Variants in PLBD1 observed in about 807,000 individuals in gnomAD.
PLBD1 encodes the protein phospholipase B domain containing 1, also known as lysosomal leucine aminopeptidase.
Under a neutral mutation model 63.0 loss-of-function variants are expected in PLBD1, and 60 were observed. The observed-to-expected ratio is 0.95, with a 90% CI of 0.77 to 1.18. The LOEUF is 1.18. Ranked by LOEUF, PLBD1 falls within the 50% of genes most tolerant of loss-of-function variation. The pLI is 0.00. For synonymous variants in PLBD1, 262 were observed against 248.0 expected (o/e 1.06, Z -0.53); for missense variants, 598 against 677.9 (o/e 0.88, Z 1.31).
At chr12:14,542,605 G>A (rs534893228) in intron 2 of PLBD1, among the ~76,000 whole-genome samples, 1 of 152,292 alleles carries the variant, frequency 6.6e-6, no homozygotes, top group South Asian at 2.1e-4. Flanking sequence ...TGCACTTCCT[G>A]ATGCTAATTG....
At chr12:14,553,546 T>C in intron 1 of PLBD1, 134 bp from the exon 2 acceptor site, 2 of 763,266 alleles carry the variant, frequency 2.6e-6, no homozygotes, top group Non-Finnish European at 4.2e-6. Flanking sequence ...AATCTGCCGT[T>C]ACAGTTTGCC....
At chr12:14,527,421 C>T (rs1945425049) in intron 6 of PLBD1, among the ~76,000 whole-genome samples, 1 of 152,252 alleles carries the variant, frequency 6.6e-6, no homozygotes, top group Admixed American at 6.5e-5. Context: ...GCTCCCAAAA[C>T]GTTTGTTACC....
At chr12:14,544,256 C>T (rs1045007023) in intron 2 of PLBD1, among the ~76,000 whole-genome samples, 3 of 152,192 alleles carry the variant, frequency 2.0e-5, no homozygotes, top group Admixed American at 6.5e-5. Flanking sequence ...TCACTGCAAC[C>T]GCCGCCTCCC....
At chr12:14,510,346 A>T (rs1945287504) in intron 8 of PLBD1, among the ~76,000 whole-genome samples, 1 of 151,882 alleles carries the variant, frequency 6.6e-6, no homozygotes, top group Non-Finnish European at 1.5e-5. Flanking sequence ...GGGAGCCGAG[A>T]TCGCACCACC....
At chr12:14,522,661 C>A (rs566915843) in intron 6 of PLBD1, among the ~76,000 whole-genome samples, 3 of 152,198 alleles carry the variant, frequency 2.0e-5, no homozygotes, top group African/African-American at 7.2e-5. Flanking sequence ...AAATCACTCA[C>A]CATAATAAAT....
intron 2 of PLBD1, among the ~76,000 whole-genome samples, chr12:14,549,334 G>A (rs1592007653): frequency 6.6e-6 from 1 of 152,210 alleles, no homozygotes; most frequent in South Asian, 2.1e-4. Flanking sequence ...CAGTGGGAAT[G>A]AAATCTTAAA....
intron 8 of PLBD1, among the ~76,000 whole-genome samples, chr12:14,508,971 T>C (rs1051848205): frequency 6.6e-6 from 1 of 152,058 alleles, no homozygotes; most frequent in African/African-American, 2.4e-5. Context: ...GTTGCTTAAA[T>C]ACGTTAGGAG....
chr12:14,543,981 C>G (rs1300106792), intron 2 of PLBD1, among the ~76,000 whole-genome samples: 1 of 143,760 alleles, frequency 7.0e-6, no homozygotes, highest in African/African-American at 2.5e-5. Flanking sequence ...TATTTCTCCT[C>G]AATACTTTTA....
intron 6 of PLBD1, among the ~76,000 whole-genome samples, chr12:14,527,706 T>A (rs1169788527): frequency 6.6e-6 from 1 of 152,112 alleles, no homozygotes; most frequent in Non-Finnish European, 1.5e-5. Context: ...AACCTTCCTT[T>A]ATTGGCCCTT....
chr12:14,510,990 C>A (rs1945293183), intron 8 of PLBD1, among the ~76,000 whole-genome samples: 1 of 152,186 alleles, frequency 6.6e-6, no homozygotes, highest in African/African-American at 2.4e-5. Context: ...ACCAGGAACA[C>A]AGGAGAAAAG....
chr12:14,527,079 T>A (rs1945422253), intron 6 of PLBD1, among the ~76,000 whole-genome samples: 1 of 152,196 alleles, frequency 6.6e-6, no homozygotes, highest in Non-Finnish European at 1.5e-5. Context: ...ATATATATAT[T>A]TTGTTAAAAT....
At chr12:14,534,172 T>C (rs1007186760) in intron 6 of PLBD1, among the ~76,000 whole-genome samples, 1 of 152,042 alleles carries the variant, frequency 6.6e-6, no homozygotes, top group Non-Finnish European at 1.5e-5. Context: ...GAATTTCTGA[T>C]AGGAAGAGCA....
intron 8 of PLBD1, among the ~76,000 whole-genome samples, chr12:14,507,472 A>G: frequency 6.6e-6 from 1 of 152,182 alleles, no homozygotes; most frequent in East Asian, 1.9e-4. Flanking sequence ...ATCTAAGTGG[A>G]TTTAGTTACT....
At chr12:14,519,368 C>T (rs920953585) in intron 6 of PLBD1, among the ~76,000 whole-genome samples, 1 of 152,068 alleles carries the variant, frequency 6.6e-6, no homozygotes, top group African/African-American at 2.4e-5. Context: ...TGCCTGTAAT[C>T]CCAGCACTTT....
chr12:14,527,838 G>C (rs1283086139), intron 6 of PLBD1, among the ~76,000 whole-genome samples: 1 of 148,374 alleles, frequency 6.7e-6, no homozygotes, highest in Admixed American at 6.7e-5. Flanking sequence ...AAAGTAAACA[G>C]ACAGGAAAAG....
At chr12:14,522,446 T>C (rs1422579388) in intron 6 of PLBD1, among the ~76,000 whole-genome samples, 1 of 152,114 alleles carries the variant, frequency 6.6e-6, no homozygotes, top group East Asian at 1.9e-4. Context: ...GAAAAACTAA[T>C]ACAAATCCTT....
chr12:14,541,005 T>C (rs1945567116), intron 3 of PLBD1, 103 bp from the exon 4 acceptor site: 1 of 1,236,236 alleles, frequency 8.1e-7, no homozygotes, highest in Non-Finnish European at 1.1e-6. Flanking sequence ...CTTATGCTAA[T>C]GTGATTTAAA....
intron 2 of PLBD1, among the ~76,000 whole-genome samples, chr12:14,544,667 C>T (rs12578716): frequency 1.3e-5 from 2 of 151,862 alleles, no homozygotes; most frequent in Middle Eastern, 3.2e-3. Flanking sequence ...GGTATAAATC[C>T]CTCAATACTA....
intron 6 of PLBD1, among the ~76,000 whole-genome samples, chr12:14,534,668 A>C (rs1366334426): frequency 3.3e-5 from 5 of 150,890 alleles, no homozygotes; most frequent in South Asian, 2.1e-4. Context: ...CTCAGCCTCC[A>C]GAGTAGCTGC....
Sources: allele counts gnomAD v4.1 joint callset (sites outside exome capture counted in the v4.1 genomes callset), GRCh38; gene constraint gnomAD v4.1.1; transcripts MANE v1.5; gene names NCBI Gene and HGNC (gene_info 2026-07-23, HGNC 2026-07-21).